Variants in THSD7A observed in about 807,000 individuals in gnomAD.
THSD7A encodes the protein thrombospondin type 1 domain containing 7A.
In THSD7A, 96 loss-of-function variants were observed where a neutral mutation model predicts 231.3. The ratio of observed to expected loss-of-function variants is 0.41; its 90% CI spans 0.35 to 0.49. THSD7A has a LOEUF of 0.49. THSD7A is among the 20% of genes least tolerant of loss of function. The pLI, the probability that THSD7A is intolerant of heterozygous loss-of-function variation, is 0.05. For missense variants in THSD7A, 2,290 were observed against 2,070.2 expected, an observed-to-expected ratio of 1.11 and a Z score of -2.06; for synonymous variants, 940 against 743.3, an observed-to-expected ratio of 1.26 and a Z score of -4.30.
chr7:11,582,988 C>A (rs1189701683), intron 4 of THSD7A, among the ~76,000 whole-genome samples: 3 of 151,804 alleles, frequency 2.0e-5, no homozygotes, highest in South Asian at 2.1e-4. Context: ...ATATTCTGAA[C>A]CTTCTTGTCA....
chr7:11,437,882 C>G (rs1006149885), intron 13 of THSD7A, among the ~76,000 whole-genome samples: 1 of 151,910 alleles, frequency 6.6e-6, no homozygotes, highest in African/African-American at 2.4e-5. Flanking sequence ...TATTCTCTAC[C>G]CATATTCATG....
chr7:11,481,723 A>G, intron 7 of THSD7A, 65 bp downstream of exon 7: 1 of 1,443,578 alleles, frequency 6.9e-7, no homozygotes, highest in East Asian at 2.4e-5. Flanking sequence ...TTTCCAGGCT[A>G]CACAAAAAAG....
intron 4 of THSD7A, among the ~76,000 whole-genome samples, chr7:11,549,719 C>T (rs1335398829): frequency 1.3e-5 from 2 of 151,922 alleles, no homozygotes; most frequent in Admixed American, 1.3e-4. Flanking sequence ...TAAGTAGAAG[C>T]TGAACAATGA....
At chr7:11,549,561 A>T (rs1455167572) in intron 4 of THSD7A, among the ~76,000 whole-genome samples, 3 of 152,202 alleles carry the variant, frequency 2.0e-5, no homozygotes, top group Non-Finnish European at 2.9e-5. Context: ...GGATAAAGAA[A>T]ATCTCATACG....
intron 13 of THSD7A, among the ~76,000 whole-genome samples, chr7:11,436,581 C>A (rs990926500): frequency 6.6e-6 from 1 of 151,972 alleles, no homozygotes; most frequent in African/African-American, 2.4e-5. Context: ...TAGCATTTCA[C>A]TGGACTAGAG....
At chr7:11,759,742 A>G (rs1479794323) in intron 1 of THSD7A, among the ~76,000 whole-genome samples, 1 of 152,088 alleles carries the variant, frequency 6.6e-6, no homozygotes. Flanking sequence ...TATGAGAAAA[A>G]TATCTGTCAA....
At chr7:11,808,737 G>C (rs990627580) in intron 1 of THSD7A, among the ~76,000 whole-genome samples, 1 of 151,980 alleles carries the variant, frequency 6.6e-6, no homozygotes, top group African/African-American at 2.4e-5. Flanking sequence ...TTGACAATCT[G>C]TATCAAGAAT....
At position 11,706,979 on chromosome 7, in the gene THSD7A, A is replaced by G. The variant is rs1780790135; in HGVS notation, c.191-70018T>C. Among the ~76,000 whole-genome samples the G allele has an allele frequency of 2.7e-5, 4 of 150,768 alleles. No individual in the cohort carries two copies. In the South Asian group the frequency reaches 6.2e-4, roughly 23 times the overall value. ...TTTTTCCTTCTTTCTTTTTAAAAAC[A>G]TGAACTGAAGAGGTAAACTAAGGAG... On this transcript the variant is annotated intron_variant, in intron 1 of 27. Coordinates refer to ENST00000423059, the MANE Select transcript of THSD7A (RefSeq NM_015204.3).
At chr7:11,776,229 T>C (rs897455194) in intron 1 of THSD7A, among the ~76,000 whole-genome samples, 3 of 152,176 alleles carry the variant, frequency 2.0e-5, no homozygotes, top group Admixed American at 6.5e-5. Flanking sequence ...TTAGGACATA[T>C]GTTTCATTTT....
intron 14 of THSD7A, 79 bp from the exon 15 acceptor site, chr7:11,426,750 C>A: frequency 7.0e-7 from 1 of 1,419,042 alleles, no homozygotes; most frequent in Admixed American, 2.4e-5. Context: ...ATGAGAAGAA[C>A]ACATGGTAAG....
intron 1 of THSD7A, among the ~76,000 whole-genome samples, chr7:11,828,469 A>C (rs1385740193): frequency 5.3e-5 from 8 of 152,152 alleles, no homozygotes; most frequent in Non-Finnish European, 1.0e-4. Flanking sequence ...TTATCAGCCA[A>C]ATAACTTCTT....
At chr7:11,781,269 G>C (rs1783621790) in intron 1 of THSD7A, among the ~76,000 whole-genome samples, 1 of 151,268 alleles carries the variant, frequency 6.6e-6, no homozygotes, top group South Asian at 2.1e-4. Context: ...AACAAAGTCA[G>C]ACCCTGTCTC....
intron 1 of THSD7A, among the ~76,000 whole-genome samples, chr7:11,668,722 C>T (rs941222797): frequency 6.6e-6 from 1 of 152,082 alleles, no homozygotes; most frequent in African/African-American, 2.4e-5. Flanking sequence ...AGTCCTAAAA[C>T]AGAAGTATGA....
intron 6 of THSD7A, among the ~76,000 whole-genome samples, chr7:11,486,325 C>G (rs189173758): frequency 6.6e-6 from 1 of 152,114 alleles, no homozygotes; most frequent in Non-Finnish European, 1.5e-5. Context: ...TATAGGAGTA[C>G]ATTAAACACG....
At chr7:11,420,336 G>GCTGAGGTT (rs1441609540) in intron 16 of THSD7A, among the ~76,000 whole-genome samples, 1 of 152,170 alleles carries the variant, frequency 6.6e-6, no homozygotes, top group Non-Finnish European at 1.5e-5. Context: ...CTCAGGACAT[G>GCTGAGGTT]GCACCTTGCA....
Position 11,481,950 on chromosome 7 carries a change from C to T in THSD7A, c.1855G>A (p.Ala619Thr). Residue 619 changes from alanine (A) to threonine (T), a missense_variant, in exon 7 of 28, where the codon GCC becomes ACC. Ala to Thr is a moderately conservative substitution (Grantham distance 58, BLOSUM62 0). Coordinates refer to ENST00000423059, the MANE Select transcript of THSD7A (RefSeq NM_015204.3). ...EEVDRQLCRD[A>T]IFPIPVACDA... ...CAGGCCACAGGGATGGGGAAGATGG[C>T]ATCTCTGCACAGCTGTCTGTCAACT... 6.2e-7 allele frequency: 1 copy of T among 1,612,644 alleles called. No individual in the cohort carries two copies. Among genetic ancestry groups the T allele is most frequent in the Admixed American group, 1.7e-5 (1 of 59,934 alleles).
chr7:11,707,764 C>T (rs1206916219), intron 1 of THSD7A, among the ~76,000 whole-genome samples: 1 of 150,852 alleles, frequency 6.6e-6, no homozygotes, highest in Non-Finnish European at 1.5e-5. Context: ...TCCTTCAATG[C>T]TTATGTGATA....
rs772216671 is a variant in THSD7A, at chr7:11,541,624, T to A, written c.1617A>T (p.Lys539Asn). 3.1e-6 allele frequency: 5 copies of A among 1,613,748 alleles called. 1 individual carries two copies. Among genetic ancestry groups the A allele is most frequent in the Non-Finnish European group, 4.2e-6 (5 of 1,179,778 alleles). The change falls in exon 6 of 28, where the codon AAA (lysine) becomes AAT (asparagine). Residue 539 changes from lysine (K) to asparagine (N), a missense_variant. Transcript: ENST00000423059. ...CNDQQGKKGFKLRKRRITNEP... is the reference protein window; with the variant it reads ...CNDQQGKKGFNLRKRRITNEP... ...CATTGGTAATGCGCCGCTTCCTCAGTTTGAAGCCTGAATTATGGGGGAAGG... is the reference window on the plus strand; with the variant it reads ...CATTGGTAATGCGCCGCTTCCTCAGATTGAAGCCTGAATTATGGGGGAAGG...
intron 13 of THSD7A, among the ~76,000 whole-genome samples, chr7:11,430,682 C>G (rs1784454520): frequency 6.6e-6 from 1 of 152,018 alleles, no homozygotes; most frequent in Non-Finnish European, 1.5e-5. Context: ...CGGTGTTGCT[C>G]AGGTTGGTCT....
Sources: allele counts gnomAD v4.1 joint callset (sites outside exome capture counted in the v4.1 genomes callset), GRCh38; gene constraint gnomAD v4.1.1; transcripts MANE v1.5; gene names NCBI Gene and HGNC (gene_info 2026-07-23, HGNC 2026-07-21).